DIPK2B: variants seen among roughly 807,000 people sequenced by gnomAD.
The protein encoded by DIPK2B is UPF0672 protein CXorf36.
A neutral mutation model predicts 22.2 loss-of-function variants in DIPK2B; 15 were observed. The ratio of observed to expected loss-of-function variants is 0.68; its 90% confidence interval spans 0.45 to 1.04. The LOEUF is 1.04. Among genes scored for constraint, DIPK2B ranks in the 50% least tolerant of loss-of-function variants. The pLI is 0.00. For missense variants in DIPK2B, 345 were observed against 348.3 expected, an observed-to-expected ratio of 0.99 and a Z score of 0.08; for synonymous variants, 163 against 153.2, an observed-to-expected ratio of 1.06 and a Z score of -0.47.
Position 45,177,118 on chromosome X carries a change from C to A in DIPK2B, c.498+14633G>T, listed in dbSNP as rs141952407. Among the ~76,000 whole-genome samples the A allele has an allele frequency of 8.1e-3, 887 of 109,324 alleles. 24 individuals are homozygous for A. The highest frequency in any genetic ancestry group is 0.067 in the Admixed American group (682 of 10,220). 94.9% of individuals were successfully genotyped at this position (109,324 alleles called of 115,157 possible). A position where few individuals can be genotyped will look rare whatever the true frequency, so the allele number is the denominator to read the frequency against. Reference sequence around the variant, plus strand: ...TTCGAGATGAGCCTGGGCAACATGGCAAGACCCTGTCTCTACAAAAAAGTA... The same window carrying A: ...TTCGAGATGAGCCTGGGCAACATGGAAAGACCCTGTCTCTACAAAAAAGTA... On this transcript the variant is annotated intron_variant, in intron 2 of 4. Coordinates refer to ENST00000398000, the MANE Select transcript of DIPK2B (RefSeq NM_176819.4).
At chrX:45,162,843 G>C (rs1031833995) in intron 2 of DIPK2B, 1 of 754,240 alleles carries the variant, frequency 1.3e-6, no homozygotes, top group African/African-American at 2.3e-5. Flanking sequence ...TGTCTCTATT[G>C]ACTGGAATTT....
At position 45,176,941 on chromosome X, in the gene DIPK2B, C is replaced by T. The variant is rs182145545; in HGVS notation, c.498+14810G>A. On this transcript the variant is annotated intron_variant, in intron 2 of 4. Coordinates refer to ENST00000398000, the MANE Select transcript of DIPK2B (RefSeq NM_176819.4). ...CAAATTGGGTAGACATTTCTGGTAT[C>T]AAGAGTCATATTCCACGGAGTATGA... 2.7e-5 allele frequency among the ~76,000 whole-genome samples: 3 copies of T among 111,601 alleles called. No individual in the cohort carries two copies. The East Asian group carries it at 8.5e-4, about 31-fold the overall frequency.
At chrX:45,178,760 G>A (rs1036590365) in intron 2 of DIPK2B, among the ~76,000 whole-genome samples, 2 of 111,660 alleles carry the variant, frequency 1.8e-5, no homozygotes, top group Non-Finnish European at 3.8e-5. Flanking sequence ...AGCAGCATGT[G>A]AGTAGGGTAG....
intron 1 of DIPK2B, among the ~76,000 whole-genome samples, chrX:45,199,842 T>G (rs1267406482): frequency 3.6e-5 from 4 of 111,454 alleles, no homozygotes; most frequent in African/African-American, 1.3e-4. Context: ...TAAAGGCTCA[T>G]GGACTGTGTG....
intron 2 of DIPK2B, among the ~76,000 whole-genome samples, chrX:45,166,382 A>C (rs2082777986): frequency 9.0e-6 from 1 of 110,889 alleles, no homozygotes; most frequent in African/African-American, 3.3e-5. Flanking sequence ...CAGCCCACCA[A>C]CCCAGAGAAA....
At chrX:45,163,053 G>A (rs2047030095) in intron 2 of DIPK2B, 1 of 497,654 alleles carries the variant, frequency 2.0e-6, no homozygotes, top group Non-Finnish European at 2.5e-6. Flanking sequence ...GCTAATCTAG[G>A]TGTTGCTGTG....
chrX:45,163,919 C>T, intron 2 of DIPK2B: 3 of 903,680 alleles, frequency 3.3e-6, no homozygotes, highest in Non-Finnish European at 4.1e-6. Flanking sequence ...TTGGGGTGGG[C>T]TCAGCAACAG....
chrX:45,166,238 G>C (rs1004080125), intron 2 of DIPK2B, among the ~76,000 whole-genome samples: 4 of 111,546 alleles, frequency 3.6e-5, no homozygotes, highest in Non-Finnish European at 5.7e-5. Context: ...ATGCATGGTC[G>C]CTGGATGCCA....
rs368917220 is a variant in DIPK2B, at chrX:45,150,449, A to T, written c.*1203T>A. On this transcript the variant is annotated 3_prime_UTR_variant, in exon 5 of 5. Coordinates refer to ENST00000398000, the MANE Select transcript of DIPK2B (RefSeq NM_176819.4). ...TTTCTGATGAGTGACCTGTAAGGCC[A>T]AGTTTGAATGAAAATTCCTAGACTC... The T allele has an allele frequency of 3.6e-5, 4 of 112,275 alleles. No individual in the cohort carries two copies. The highest frequency in any genetic ancestry group is 5.6e-4 in the East Asian group (2 of 3,572). The allele number at this position is 112,275 out of a possible 1,213,427, so 9.3% of individuals were successfully genotyped here.
intron 1 of DIPK2B, among the ~76,000 whole-genome samples, chrX:45,195,979 C>T (rs761344235): frequency 8.9e-6 from 1 of 112,560 alleles, no homozygotes; most frequent in Non-Finnish European, 1.9e-5. Context: ...CACACACTCC[C>T]ATGATACCCT....
chrX:45,154,292 T>TATCTATCTATC, intron 3 of DIPK2B, 94 bp from the exon 4 acceptor site: 1 of 597,046 alleles, frequency 1.7e-6, no homozygotes, highest in Non-Finnish European at 2.5e-6. Flanking sequence ...TCTATCTATC[T>TATCTATCTATC]ATCTATCTAT....
chrX:45,193,841 G>A (rs1187288256), intron 1 of DIPK2B, among the ~76,000 whole-genome samples: 2 of 111,253 alleles, frequency 1.8e-5, no homozygotes, highest in Non-Finnish European at 3.8e-5. Context: ...AAGGGCCCAG[G>A]ACCCAGAGAC....
At chrX:45,178,030 A>G (rs986472848) in intron 2 of DIPK2B, among the ~76,000 whole-genome samples, 7 of 112,214 alleles carry the variant, frequency 6.2e-5, no homozygotes, top group African/African-American at 2.3e-4. Context: ...ATATGATTGG[A>G]AAGGCAAAAA....
In DIPK2B at chrX:45,191,797, A is replaced by G. The variant is rs201851401; in HGVS notation, c.452T>C (p.Phe151Ser). The stretch of plus-strand genomic sequence containing the variant: ...GCGCTTGGCCTGCAGCCATTTCTGG[A>G]ACCTCTCTGTTTTCCGCAGGACACG... ...IERVLRKTER[F>S]QKWLQAKRLT... The change falls in exon 2 of 5, where the codon TTC (phenylalanine) becomes TCC (serine). Residue 151 changes from phenylalanine (F) to serine (S), a missense_variant. Physicochemically the swap from Phe to Ser is radical, Grantham distance 155. Coordinates refer to ENST00000398000, the MANE Select transcript of DIPK2B (RefSeq NM_176819.4). 6.3e-5 allele frequency: 76 copies of G among 1,210,339 alleles called. No homozygotes were observed. The African/African-American group carries it at 1.1e-3, about 17-fold the overall frequency.
chrX:45,171,164 C>A (rs2148340472), intron 2 of DIPK2B, among the ~76,000 whole-genome samples: 1 of 111,154 alleles, frequency 9.0e-6, no homozygotes, highest in Non-Finnish European at 1.9e-5. Flanking sequence ...TTCCAGGAAC[C>A]CTGGACATCA....
chrX:45,170,440 C>T (rs985844099), intron 2 of DIPK2B, among the ~76,000 whole-genome samples: 1 of 111,658 alleles, frequency 9.0e-6, no homozygotes, highest in Non-Finnish European at 1.9e-5. Flanking sequence ...GAGAGAGGTG[C>T]ATTCCACTCT....
chrX:45,162,242 G>A (rs965550073), intron 2 of DIPK2B: 1 of 313,924 alleles, frequency 3.2e-6, no homozygotes, highest in Non-Finnish European at 4.2e-6. Context: ...GCCATGTGGA[G>A]CTTGGTGAGC....
intron 2 of DIPK2B, among the ~76,000 whole-genome samples, chrX:45,174,488 T>G (rs922288937): frequency 2.7e-5 from 3 of 110,513 alleles, no homozygotes; most frequent in African/African-American, 9.9e-5. Context: ...GTAAACAAGG[T>G]GCTATGGGAA....
intron 2 of DIPK2B, among the ~76,000 whole-genome samples, chrX:45,190,844 C>T (rs1185010032): frequency 8.9e-6 from 1 of 112,103 alleles, no homozygotes; most frequent in African/African-American, 3.2e-5. Context: ...CTTGTTAGGC[C>T]CCCTGGGATA....
Sources: gnomAD v4.1 joint callset for allele counts (sites outside exome capture counted in the v4.1 genomes callset) on GRCh38, gnomAD v4.1.1 for gene constraint, MANE v1.5 for transcripts, NCBI Gene and HGNC (gene_info 2026-07-23, HGNC 2026-07-21) for gene names.